The following CIZ1 variants were observed in gnomAD, a reference collection of about 807,000 sequenced individuals.
CIZ1 encodes CDKN1A interacting zinc finger protein 1, also known as cip1-interacting zinc finger protein.
CIZ1 carries 58 observed loss-of-function variants against 118.6 expected under a neutral mutation model. The ratio of observed to expected loss-of-function variants is 0.49; its 90% CI spans 0.40 to 0.61. The LOEUF is 0.61. CIZ1 is among the 20% of genes least tolerant of loss of function. CIZ1 has a pLI of 0.00. For missense variants in CIZ1, 921 were observed against 1,115.9 expected, an observed-to-expected ratio of 0.83 and a Z score of 2.49; for synonymous variants, 448 against 443.4, an observed-to-expected ratio of 1.01 and a Z score of -0.13.
Position 128,180,887 on chromosome 9 carries a change from G to GC in CIZ1, c.589-74dup, listed in dbSNP as rs975347687. 1.1e-5 allele frequency: 12 copies of GC among 1,117,840 alleles called. No individual in the cohort carries two copies. The African/African-American group carries it at 1.6e-4, about 15-fold the overall frequency. 69.2% of individuals were successfully genotyped at this position (1,117,840 alleles called of 1,614,324 possible). A position where few individuals can be genotyped will look rare whatever the true frequency, so the allele number is the denominator to read the frequency against. On this transcript the variant is annotated intron_variant, in intron 5 of 16. Coordinates refer to ENST00000372938, the MANE Select transcript of CIZ1 (RefSeq NM_001131016.2). The stretch of plus-strand genomic sequence containing the variant: ...AATACCCCCTTGCCCAAGGGCAGCT[G>GC]CCCCCCATCCTCCAGGGGATGACAG...
chr9:128,181,033 T>A (rs1288547243), intron 5 of CIZ1, among the ~76,000 whole-genome samples: 1 of 152,144 alleles, frequency 6.6e-6, no homozygotes, highest in Non-Finnish European at 1.5e-5. Context: ...AAACCCAGGT[T>A]TGGAGGACAC....
At position 128,166,510 on chromosome 9, in the gene CIZ1, T is replaced by C; in HGVS notation, c.2488-104A>G. ...TCTGGCTGAGACAGTATTAGTGTGC[T>C]CTGTGACCCTGCGTGATGCACTCGG... On this transcript the variant is annotated intron_variant, in intron 16 of 16. Transcript: ENST00000372938. This position sits in a 1 kb window ranked among gnomAD's most constrained non-coding sequence, Gnocchi z 4.4. 9.3e-7 allele frequency: 1 copy of C among 1,071,140 alleles called. No individual in the cohort carries two copies. The highest frequency in any genetic ancestry group is 1.3e-6 in the Non-Finnish European group (1 of 748,936). 66.4% of individuals were successfully genotyped at this position (1,071,140 alleles called of 1,614,324 possible). A position where few individuals can be genotyped will look rare whatever the true frequency, so the allele number is the denominator to read the frequency against.
rs779588922 is a variant in CIZ1 at position 128,190,673 on chromosome 9, G to C, written c.170+15C>G. On this transcript the variant is annotated intron_variant, in intron 2 of 16. Coordinates refer to ENST00000372938, the MANE Select transcript of CIZ1 (RefSeq NM_001131016.2). ...TAGCAAGGCTGAAGCCATCGCGCCC[G>C]AGAGGGGAACTCACCGGCTGACAGC... 2 of 1,549,864 alleles carry C rather than the reference G, an allele frequency of 1.3e-6. No individual in the cohort carries two copies. Among genetic ancestry groups the C allele is most frequent in the African/African-American group, 1.4e-5 (1 of 73,438 alleles).
At chr9:128,194,855 T>C (rs1362689351), upstream of CIZ1, among the ~76,000 whole-genome samples, 2 of 152,020 alleles carry the variant, frequency 1.3e-5, no homozygotes, top group African/African-American at 4.8e-5. Context: ...TCTTGCTCTG[T>C]CTCCCAGTCT....
chr9:128,177,505 G>A (rs767262344), intron 10 of CIZ1, 61 bp downstream of exon 10: 7 of 1,187,896 alleles, frequency 5.9e-6, no homozygotes, highest in Non-Finnish European at 6.8e-6. Flanking sequence ...TTCTTGGGAG[G>A]GCAGGCTGGG....
Position 128,190,450 on chromosome 9 carries a change from T to C in CIZ1, c.171-6A>G. ...GCTGCTGCGGGGGGAGCCCCCTGTG[T>C]GTTGGGAGGGGGTGTCAGAGGGTTA... On this transcript the variant is annotated splice_polypyrimidine_tract_variant and splice_region_variant and intron_variant, in intron 2 of 16. Coordinates refer to ENST00000372938, the MANE Select transcript of CIZ1 (RefSeq NM_001131016.2). 6.2e-7 allele frequency: 1 copy of C among 1,601,236 alleles called. No homozygotes were observed. Among genetic ancestry groups the C allele is most frequent in the Non-Finnish European group, 8.5e-7 (1 of 1,170,270 alleles).
intron 11 of CIZ1, among the ~76,000 whole-genome samples, chr9:128,173,215 G>A (rs1481106530): frequency 1.4e-5 from 2 of 146,778 alleles, no homozygotes; most frequent in Non-Finnish European, 3.0e-5. Context: ...CGCGATCTTG[G>A]CTTACTGCAA....
rs41276232 is a variant in CIZ1, at chr9:128,166,751, C to G, written c.2487+8G>C. 2 of 1,614,138 alleles carry G rather than the reference C, an allele frequency of 1.2e-6. No individual in the cohort carries two copies. The highest frequency in any genetic ancestry group is 1.7e-6 in the Non-Finnish European group (2 of 1,180,002). ...CCAGGGGAGGACAGGGCAGGATGTC[C>G]GGCTCACCTGCAGGTTCTCAAAGTG... is the stretch of plus-strand genomic sequence containing the variant. On this transcript the variant is annotated splice_region_variant and intron_variant, in intron 16 of 16. Coordinates refer to ENST00000372938, the MANE Select transcript of CIZ1 (RefSeq NM_001131016.2). The surrounding 1 kb of genome is among the most constrained non-coding windows in gnomAD (Gnocchi z 4.4).
At position 128,187,651 on chromosome 9, in the gene CIZ1, A is replaced by T. The variant is rs996601330; in HGVS notation, c.358+212T>A. On this transcript the variant is annotated intron_variant, in intron 4 of 16. Transcript: ENST00000372938. ...AGCCAACCAGCTCTTAAAAACAATAAGACAAAAGATGAAACAACCTAAAAG... is the reference window on the plus strand; with the variant it reads ...AGCCAACCAGCTCTTAAAAACAATATGACAAAAGATGAAACAACCTAAAAG... 2.0e-5 allele frequency among the ~76,000 whole-genome samples: 3 copies of T among 152,222 alleles called. 1 individual carries two copies. The South Asian group carries it at 6.2e-4, about 32-fold the overall frequency.
At chr9:128,191,947 AG>A, upstream of CIZ1, 1 of 1,415,088 alleles carries the variant, frequency 7.1e-7, no homozygotes, top group Admixed American at 2.6e-5. The surrounding 1 kb of genome is among the most constrained non-coding windows in gnomAD (Gnocchi z 5.5). Flanking sequence ...CATTCATTCG[AG>A]GGACCCAGGC....
At chr9:128,182,919 C>G (rs1210098402) in intron 5 of CIZ1, among the ~76,000 whole-genome samples, 1 of 152,084 alleles carries the variant, frequency 6.6e-6, no homozygotes, top group Non-Finnish European at 1.5e-5. Context: ...TCATTGCACC[C>G]GGCCTCCACA....
At chr9:128,187,824 T>C in intron 4 of CIZ1, 39 bp downstream of exon 4, 1 of 526,548 alleles carries the variant, frequency 1.9e-6, no homozygotes, top group East Asian at 3.3e-5. Context: ...ATTATATGTA[T>C]ATATACATTT....
chr9:128,168,716 G>A (rs1048522171), intron 14 of CIZ1: 4 of 306,318 alleles, frequency 1.3e-5, no homozygotes, highest in African/African-American at 8.7e-5. Context: ...AAAGATGTCT[G>A]CTGCTGTCAG....
At chr9:128,182,566 C>G (rs1393191099) in intron 5 of CIZ1, among the ~76,000 whole-genome samples, 6 of 152,138 alleles carry the variant, frequency 3.9e-5, no homozygotes, top group African/African-American at 1.4e-4. Context: ...GCACACCCAC[C>G]CCTTCCCTGC....
chr9:128,185,729 TG>T lies in CIZ1; in HGVS notation c.405del (p.Ser136AlafsTer34), dbSNP rs778512665. On this transcript the variant is annotated frameshift_variant, in exon 5 of 17. Coordinates refer to ENST00000372938, the MANE Select transcript of CIZ1 (RefSeq NM_001131016.2). LOFTEE classifies it high-confidence loss of function. ...YGMASPGLAA[P>X]SLTPPQLATP... is the part of the protein sequence containing the mutation. ...GTGGCCAGTTGTGGGGGTGTGAGGCTGGGGGCTGCGAGGCCTGGGGATGCCA... is the reference window on the plus strand; with the variant it reads ...GTGGCCAGTTGTGGGGGTGTGAGGCTGGGGCTGCGAGGCCTGGGGATGCCA... The T allele has an allele frequency of 6.2e-7, 1 of 1,612,942 alleles. No homozygotes were observed. Among genetic ancestry groups the T allele is most frequent in the Non-Finnish European group, 8.5e-7 (1 of 1,179,452 alleles).
chr9:128,177,787 CT>C, intron 9 of CIZ1, 24 bp from the exon 10 acceptor site: 1 of 1,512,740 alleles, frequency 6.6e-7, no homozygotes, highest in Non-Finnish European at 9.0e-7. Context: ...AGGAACTGAA[CT>C]TCCATCAACT....
chr9:128,190,603 TG>T, intron 2 of CIZ1, 84 bp downstream of exon 2: 1 of 1,493,124 alleles, frequency 6.7e-7, no homozygotes. Flanking sequence ...GGGATGGCAC[TG>T]GGAAAAAGGA....
chr9:128,191,398 G>A lies in CIZ1; in HGVS notation c.-6+34C>T. On this transcript the variant is annotated intron_variant, in intron 1 of 16. Transcript: ENST00000372938. This position sits in a 1 kb window ranked among gnomAD's most constrained non-coding sequence, Gnocchi z 5.5. ...CGCAGACACAGCCAGCTCGCAGGCG[G>A]AGCCCCACGACCCAGCCGCCCCCGG... 1 of 840,494 alleles carries A rather than the reference G, an allele frequency of 1.2e-6. No individual in the cohort carries two copies. Among genetic ancestry groups the A allele is most frequent in the Non-Finnish European group, 1.4e-6 (1 of 695,156 alleles). The allele number at this position is 840,494 out of a possible 1,614,324, so 52.1% of individuals were successfully genotyped here. A position where few individuals can be genotyped will look rare whatever the true frequency, so the allele number is the denominator to read the frequency against.
intron 5 of CIZ1, among the ~76,000 whole-genome samples, chr9:128,184,121 GGTTATGATATGAT>G (rs1266262506): frequency 1.3e-5 from 2 of 152,148 alleles, no homozygotes; most frequent in Admixed American, 6.5e-5. Flanking sequence ...TAGAATGTCA[GGTTATGATATGAT>G]GTTTCCTTTC....
Sources: gnomAD v4.1 joint callset for allele counts (sites outside exome capture counted in the v4.1 genomes callset) on GRCh38, gnomAD v4.1.1 for gene constraint, Gnocchi (gnomAD v3.1) non-coding constraint, MANE v1.5 for transcripts, NCBI Gene and HGNC (gene_info 2026-07-23, HGNC 2026-07-21) for gene names.